The following AJAP1 variants were observed in gnomAD, a reference collection of about 807,000 sequenced individuals.
AJAP1 encodes the protein adherens junction-associated protein 1.
In AJAP1, 5 loss-of-function variants were observed where a neutral mutation model predicts 35.0. The ratio of observed to expected loss-of-function variants is 0.14; its 90% confidence interval spans 0.07 to 0.30. AJAP1 has a LOEUF of 0.30. AJAP1 is among the 10% of genes least tolerant of loss of function. AJAP1 has a pLI of 1.00. For missense variants in AJAP1, 586 were observed against 571.0 expected (o/e 1.03, Z -0.27); for synonymous variants, 284 against 249.3 (o/e 1.14, Z -1.31).
intron 1 of AJAP1, among the ~76,000 whole-genome samples, chr1:4,682,557 G>GAGTGGTGA (rs1461329996): frequency 1.3e-5 from 2 of 152,192 alleles, no homozygotes; most frequent in African/African-American, 4.8e-5. Flanking sequence ...GCTCTTTCCT[G>GAGTGGTGA]AGTGGTGATC....
At chr1:4,759,723 A>C (rs1461543464) in intron 2 of AJAP1, among the ~76,000 whole-genome samples, 1 of 152,154 alleles carries the variant, frequency 6.6e-6, no homozygotes, top group Admixed American at 6.5e-5. Context: ...GGCTTTTTGG[A>C]GGGGGAGCCT....
At chr1:4,736,454 A>G (rs1353175351) in intron 2 of AJAP1, among the ~76,000 whole-genome samples, 1 of 152,142 alleles carries the variant, frequency 6.6e-6, no homozygotes, top group Non-Finnish European at 1.5e-5. Context: ...AGCCACAAGT[A>G]CTTCCCCTCC....
intron 2 of AJAP1, among the ~76,000 whole-genome samples, chr1:4,761,874 T>G (rs553162199): frequency 6.6e-6 from 1 of 152,220 alleles, no homozygotes; most frequent in African/African-American, 2.4e-5. Flanking sequence ...CTGATTAGAT[T>G]GTGCCCACCC....
chr1:4,716,632 G>GTGA (rs900610216), intron 2 of AJAP1, among the ~76,000 whole-genome samples: 1 of 151,774 alleles, frequency 6.6e-6, no homozygotes, highest in Non-Finnish European at 1.5e-5. Context: ...GGTGGAAATG[G>GTGA]TGATGATGAT....
At chr1:4,670,099 G>A (rs941454249) in intron 1 of AJAP1, among the ~76,000 whole-genome samples, 3 of 152,148 alleles carry the variant, frequency 2.0e-5, no homozygotes, top group African/African-American at 7.2e-5. Flanking sequence ...GAAGGATGGT[G>A]ACCCCCTACC....
chr1:4,762,762 G>T (rs985305597), intron 2 of AJAP1, among the ~76,000 whole-genome samples: 1 of 152,172 alleles, frequency 6.6e-6, no homozygotes, highest in Non-Finnish European at 1.5e-5. Context: ...AAATGGCACT[G>T]TGCAACCTTG....
chr1:4,671,507 A>C (rs1639248404), intron 1 of AJAP1, among the ~76,000 whole-genome samples: 2 of 152,038 alleles, frequency 1.3e-5, no homozygotes, highest in South Asian at 4.1e-4. Context: ...TCTGTCTCAA[A>C]GGTATGGAGC....
intron 2 of AJAP1, among the ~76,000 whole-genome samples, chr1:4,747,845 G>A (rs960927204): frequency 3.3e-5 from 5 of 151,996 alleles, no homozygotes; most frequent in East Asian, 3.9e-4. Context: ...AAAATGTGCC[G>A]GGCGTGGTGG....
chr1:4,769,993 T>G, intron 3 of AJAP1, 53 bp downstream of exon 3: 1 of 1,476,580 alleles, frequency 6.8e-7, no homozygotes, highest in Non-Finnish European at 9.5e-7. Flanking sequence ...CCGGGGTCCC[T>G]GGGTGGTGAA....
rs898193854 is a variant in AJAP1, at chr1:4,734,295, G to A, written c.829+21596G>A. 2.0e-5 allele frequency among the ~76,000 whole-genome samples: 3 copies of A among 152,134 alleles called. No homozygotes were observed. The highest frequency in any genetic ancestry group is 4.8e-5 in the African/African-American group (2 of 41,426). ...CCTGCCTCACTATTAACAGCGCTGC[G>A]TCCATACTGGGAGCCAGGTTCTGAC... On this transcript the variant is annotated intron_variant, in intron 2 of 5. Transcript: ENST00000378191. This position sits in a 1 kb window ranked among gnomAD's most constrained non-coding sequence, Gnocchi z 4.3.
chr1:4,688,064 G>T lies in AJAP1; in HGVS notation c.30-23836G>T, dbSNP rs892151873. Reference sequence around the variant, plus strand: ...CAGGGGAGGAGGTGTTTCTGCCGAGGCTGGAGGACGCAGCAGTGGGGAGCC... The same window carrying T: ...CAGGGGAGGAGGTGTTTCTGCCGAGTCTGGAGGACGCAGCAGTGGGGAGCC... On this transcript the variant is annotated intron_variant, in intron 1 of 5. Coordinates refer to ENST00000378191, the MANE Select transcript of AJAP1 (RefSeq NM_018836.4). Among the ~76,000 whole-genome samples, 5 of 152,218 alleles carry T rather than the reference G, an allele frequency of 3.3e-5. No individual in the cohort carries two copies. The South Asian group carries it at 8.3e-4, about 25-fold the overall frequency.
In AJAP1 at chr1:4,744,896, C is replaced by T. The variant is rs191590502; in HGVS notation, c.830-24957C>T. Among the ~76,000 whole-genome samples, 70 of 152,208 alleles carry T rather than the reference C, an allele frequency of 4.6e-4. No homozygotes were observed. The South Asian group carries it at 5.8e-3, about 13-fold the overall frequency. On this transcript the variant is annotated intron_variant, in intron 2 of 5. Coordinates refer to ENST00000378191, the MANE Select transcript of AJAP1 (RefSeq NM_018836.4). The stretch of plus-strand genomic sequence containing the variant: ...AGAGGACACACACCCACCTGGGACG[C>T]GGGGCTTCAGGAGAGAGGCAGACCT...
rs1016734634 is a variant in AJAP1, at chr1:4,734,639, G to A, written c.829+21940G>A. Among the ~76,000 whole-genome samples the A allele has an allele frequency of 1.3e-5, 2 of 152,170 alleles. No homozygotes were observed. Among genetic ancestry groups the A allele is most frequent in the Admixed American group, 6.5e-5 (1 of 15,286 alleles). Reference sequence around the variant, plus strand: ...TGCCCATGAATGAATGTCAGGCCTCGTCACTGCAGGAGCTCGGACTGCACT... The same window carrying A: ...TGCCCATGAATGAATGTCAGGCCTCATCACTGCAGGAGCTCGGACTGCACT... On this transcript the variant is annotated intron_variant, in intron 2 of 5. Coordinates refer to ENST00000378191, the MANE Select transcript of AJAP1 (RefSeq NM_018836.4). This position sits in a 1 kb window ranked among gnomAD's most constrained non-coding sequence, Gnocchi z 4.3.
At chr1:4,684,313 C>T (rs1005866929) in intron 1 of AJAP1, among the ~76,000 whole-genome samples, 4 of 152,144 alleles carry the variant, frequency 2.6e-5, no homozygotes, top group East Asian at 1.9e-4. Flanking sequence ...TAAGAGTTCA[C>T]GGGGCAGGCG....
At chr1:4,698,099 T>C (rs1284301449) in intron 1 of AJAP1, among the ~76,000 whole-genome samples, 1 of 152,188 alleles carries the variant, frequency 6.6e-6, no homozygotes, top group Admixed American at 6.5e-5. Flanking sequence ...TTTCTATAGC[T>C]GAAGATGAGA....
At chr1:4,762,524 A>T (rs545298766) in intron 2 of AJAP1, among the ~76,000 whole-genome samples, 3 of 152,360 alleles carry the variant, frequency 2.0e-5, no homozygotes, top group Admixed American at 1.3e-4. Context: ...CCGATATTTC[A>T]TGCGTATTGT....
intron 2 of AJAP1, among the ~76,000 whole-genome samples, chr1:4,763,184 C>A (rs1641610587): frequency 6.6e-6 from 1 of 152,220 alleles, no homozygotes; most frequent in African/African-American, 2.4e-5. Context: ...GAACCACTCC[C>A]ACCCACAGCT....
At chr1:4,681,123 C>A (rs1294602468) in intron 1 of AJAP1, among the ~76,000 whole-genome samples, 1 of 152,106 alleles carries the variant, frequency 6.6e-6, no homozygotes, top group African/African-American at 2.4e-5. Flanking sequence ...ACAGCCAAAC[C>A]CATACAAAAT....
chr1:4,667,975 G>A (rs1211891171), intron 1 of AJAP1, among the ~76,000 whole-genome samples: 4 of 152,192 alleles, frequency 2.6e-5, no homozygotes, highest in Admixed American at 6.5e-5. Context: ...AGCACTTTGG[G>A]AGGTAGAGGC....
Sources: allele counts gnomAD v4.1 joint callset (sites outside exome capture counted in the v4.1 genomes callset), GRCh38; gene constraint gnomAD v4.1.1; non-coding constraint Gnocchi (gnomAD v3.1); transcripts MANE v1.5; gene names NCBI Gene and HGNC (gene_info 2026-07-23, HGNC 2026-07-21).